Variants in EPB41L4A observed in about 807,000 individuals in gnomAD.
EPB41L4A encodes band 4.1-like protein 4A.
Under a neutral mutation model 108.6 loss-of-function variants are expected in EPB41L4A, and 100 were observed. That is an observed-to-expected ratio of 0.92 (90% CI 0.78 to 1.09). EPB41L4A has a LOEUF of 1.09. EPB41L4A is among the 50% of genes least tolerant of loss of function. The pLI is 0.00. For missense variants in EPB41L4A, 1,030 were observed against 842.7 expected (o/e 1.22, Z -2.75); for synonymous variants, 319 against 289.0 (o/e 1.10, Z -1.05).
intron 12 of EPB41L4A, among the ~76,000 whole-genome samples, chr5:112,146,756 G>A (rs957861493): frequency 1.3e-5 from 2 of 152,162 alleles, no homozygotes; most frequent in Non-Finnish European, 2.9e-5. Context: ...TGGCAAGCTG[G>A]CTGCAGACTG....
chr5:112,265,916 G>A (rs1231465000), intron 5 of EPB41L4A, among the ~76,000 whole-genome samples: 1 of 152,236 alleles, frequency 6.6e-6, no homozygotes, highest in Non-Finnish European at 1.5e-5. Flanking sequence ...AAGCTTGGGA[G>A]AGGGTGTGGG....
chr5:112,223,194 C>T (rs543823077), intron 12 of EPB41L4A, among the ~76,000 whole-genome samples: 2 of 152,168 alleles, frequency 1.3e-5, no homozygotes, highest in Admixed American at 6.5e-5. Flanking sequence ...CCCGCCTTGG[C>T]CTCCCAAAGT....
intron 1 of EPB41L4A, among the ~76,000 whole-genome samples, chr5:112,307,707 C>T (rs1431595153): frequency 1.3e-5 from 2 of 150,432 alleles, no homozygotes; most frequent in African/African-American, 5.0e-5. Flanking sequence ...CTTTTTAAAT[C>T]GCAGTGGGTT....
chr5:112,311,343 C>T (rs1454584009), intron 1 of EPB41L4A, among the ~76,000 whole-genome samples: 1 of 152,184 alleles, frequency 6.6e-6, no homozygotes, highest in East Asian at 1.9e-4. Context: ...AAAGCTTATC[C>T]TTTTTGTAAG....
intron 12 of EPB41L4A, among the ~76,000 whole-genome samples, chr5:112,231,864 T>G (rs1476322284): frequency 2.0e-5 from 3 of 149,028 alleles, no homozygotes; most frequent in Admixed American, 2.0e-4. Flanking sequence ...TCCTAACACT[T>G]CTGGAGGTCA....
chr5:112,384,750 AC>A (rs1364350714), intron 1 of EPB41L4A, among the ~76,000 whole-genome samples: 1 of 151,646 alleles, frequency 6.6e-6, no homozygotes, highest in Non-Finnish European at 1.5e-5. Flanking sequence ...AGAAAGAGAA[AC>A]AAGGAAAGAG....
intron 8 of EPB41L4A, 29 bp from the exon 9 acceptor site, chr5:112,259,321 C>A (rs977041089): frequency 1.9e-6 from 3 of 1,596,722 alleles, no homozygotes; most frequent in Non-Finnish European, 2.6e-6. Flanking sequence ...GGTGTTGCTG[C>A]TGTTTTTAAG....
At chr5:112,319,947 T>C (rs1331174619) in intron 1 of EPB41L4A, among the ~76,000 whole-genome samples, 1 of 152,136 alleles carries the variant, frequency 6.6e-6, no homozygotes, top group Admixed American at 6.5e-5. Context: ...CACAAGTAGT[T>C]CAATAAGAGA....
At chr5:112,216,095 C>CGA (rs1313025999) in intron 12 of EPB41L4A, among the ~76,000 whole-genome samples, 1 of 152,198 alleles carries the variant, frequency 6.6e-6, no homozygotes, top group East Asian at 1.9e-4. Context: ...ATTCTGTTCA[C>CGA]ATTTGAGTAC....
chr5:112,297,749 A>T (rs1177808410), intron 2 of EPB41L4A, among the ~76,000 whole-genome samples: 1 of 152,058 alleles, frequency 6.6e-6, no homozygotes, highest in Non-Finnish European at 1.5e-5. Context: ...TATCTTCTAG[A>T]ATTTTTATAG....
At chr5:112,259,776 T>C (rs2150437354) in intron 8 of EPB41L4A, 115 bp downstream of exon 8, 1 of 743,786 alleles carries the variant, frequency 1.3e-6, no homozygotes, top group East Asian at 2.6e-5. Flanking sequence ...TTCACTCATT[T>C]ATTTATCACC....
chr5:112,332,460 T>C (rs1756630037), intron 1 of EPB41L4A, among the ~76,000 whole-genome samples: 1 of 152,244 alleles, frequency 6.6e-6, no homozygotes, highest in Admixed American at 6.5e-5. Flanking sequence ...TACATGCGTA[T>C]TGATTTTTAT....
chr5:112,405,308 C>A (rs1762016505), intron 1 of EPB41L4A, among the ~76,000 whole-genome samples: 1 of 152,170 alleles, frequency 6.6e-6, no homozygotes, highest in Non-Finnish European at 1.5e-5. Context: ...ATGACTGACG[C>A]CTCAGCCACA....
chr5:112,215,329 G>A (rs1011719169), intron 12 of EPB41L4A, among the ~76,000 whole-genome samples: 4 of 152,174 alleles, frequency 2.6e-5, no homozygotes, highest in Admixed American at 1.3e-4. Flanking sequence ...CTGCAATCAA[G>A]ATCAGTTATT....
chr5:112,233,143 T>C (rs922556446), intron 12 of EPB41L4A, among the ~76,000 whole-genome samples: 69 of 152,204 alleles, frequency 4.5e-4, no homozygotes, highest in Non-Finnish European at 1.0e-4. Flanking sequence ...TGTGCTTTAG[T>C]ACACACTGTA....
At position 112,275,764 on chromosome 5, in the gene EPB41L4A, T is replaced by TA. The variant is rs533065565; in HGVS notation, c.257-361dup. On this transcript the variant is annotated intron_variant, in intron 3 of 22. Coordinates refer to ENST00000261486, the MANE Select transcript of EPB41L4A (RefSeq NM_022140.5). ...AAAAACCACCCACCTATCATTTCAT[T>TA]AAAAAAAAATAGTTTTTAAACCTAT... Among the ~76,000 whole-genome samples, 351 of 151,438 alleles carry TA rather than the reference T, an allele frequency of 2.3e-3. 1 individual carries two copies. The highest frequency in any genetic ancestry group is 4.8e-3 in the South Asian group (23 of 4,782).
chr5:112,204,289 G>A, intron 15 of EPB41L4A, 86 bp downstream of exon 15: 3 of 806,124 alleles, frequency 3.7e-6, no homozygotes, highest in Non-Finnish European at 6.4e-6. Context: ...AGTAATGTCG[G>A]TATAAGAATC....
At chr5:112,411,092 T>C (rs75921100) in intron 1 of EPB41L4A, among the ~76,000 whole-genome samples, 1 of 152,308 alleles carries the variant, frequency 6.6e-6, no homozygotes, top group East Asian at 1.9e-4. Flanking sequence ...AAAGCATCTT[T>C]ACTGATAGAG....
intron 1 of EPB41L4A, among the ~76,000 whole-genome samples, chr5:112,386,499 C>T (rs902133774): frequency 1.3e-5 from 2 of 151,986 alleles, no homozygotes; most frequent in African/African-American, 2.4e-5. Flanking sequence ...AAAGGATGCT[C>T]GGGGAATGAG....
Sources: gnomAD v4.1 joint callset for allele counts (sites outside exome capture counted in the v4.1 genomes callset) on GRCh38, gnomAD v4.1.1 for gene constraint, MANE v1.5 for transcripts, NCBI Gene and HGNC (gene_info 2026-07-23, HGNC 2026-07-21) for gene names.